ZBTB20: variants seen among roughly 807,000 people sequenced by gnomAD.
ZBTB20 encodes the protein zinc finger and BTB domain containing 20.
Under a neutral mutation model 56.9 loss-of-function variants are expected in ZBTB20, and 9 were observed. The observed-to-expected ratio is 0.16, with a 90% CI of 0.10 to 0.28. ZBTB20 has a LOEUF of 0.28. ZBTB20 is among the 10% of genes least tolerant of loss of function. ZBTB20 has a pLI of 1.00. For missense variants in ZBTB20, 655 were observed against 1,003.0 expected (o/e 0.65, Z 4.69); for synonymous variants, 417 against 420.7 (o/e 0.99, Z 0.11).
intron 4 of ZBTB20, among the ~76,000 whole-genome samples, chr3:114,842,107 T>C (rs1387725408): frequency 6.6e-6 from 1 of 152,192 alleles, no homozygotes; most frequent in Admixed American, 6.5e-5. Flanking sequence ...TTCTTGAAGA[T>C]AAAAATAATC....
rs547212644 is a variant in ZBTB20, at chr3:114,706,357, C to T, written c.-342-12782G>A. Among the ~76,000 whole-genome samples, 13 of 152,230 alleles carry T rather than the reference C, an allele frequency of 8.5e-5. No individual in the cohort carries two copies. In the South Asian group the frequency reaches 2.5e-3, roughly 29 times the overall value. Reference sequence around the variant, plus strand: ...GTGACTTTCTCTTGTATTAATGATACATAAATCTGCTGGGAGTAACAGAAG... The same window carrying T: ...GTGACTTTCTCTTGTATTAATGATATATAAATCTGCTGGGAGTAACAGAAG... On this transcript the variant is annotated intron_variant, in intron 5 of 11. Coordinates refer to ENST00000675478, the MANE Select transcript of ZBTB20 (RefSeq NM_001348800.3).
At chr3:114,351,906 CAG>C (rs2080705607) in intron 10 of ZBTB20, 28 bp from the exon 11 acceptor site, 11 of 1,568,464 alleles carry the variant, frequency 7.0e-6, no homozygotes, top group Non-Finnish European at 9.6e-6. Flanking sequence ...AGACACAAAA[CAG>C]GGCATGGGTC....
chr3:114,409,011 A>G (rs1470373615), intron 7 of ZBTB20, among the ~76,000 whole-genome samples: 1 of 151,860 alleles, frequency 6.6e-6, no homozygotes, highest in African/African-American at 2.4e-5. Context: ...AAAGCAACAC[A>G]CTGTGATGTC....
chr3:114,524,629 T>C (rs2047007876), intron 6 of ZBTB20, among the ~76,000 whole-genome samples: 1 of 152,178 alleles, frequency 6.6e-6, no homozygotes, highest in South Asian at 2.1e-4. Context: ...CATTACAAAC[T>C]TTAATTTCCT....
chr3:114,884,080 T>C lies in ZBTB20; in HGVS notation c.-417+16224A>G, dbSNP rs933348814. 1.4e-4 allele frequency among the ~76,000 whole-genome samples: 21 copies of C among 149,694 alleles called. 1 individual carries two copies. The highest frequency in any genetic ancestry group is 7.3e-4 in the Admixed American group (11 of 15,032). Reference sequence around the variant, plus strand: ...AGCTGGGACTACAGGCGCCCGCCACTACGCCCGGCTAATTTTTTGTATTTT... The same window carrying C: ...AGCTGGGACTACAGGCGCCCGCCACCACGCCCGGCTAATTTTTTGTATTTT... On this transcript the variant is annotated intron_variant, in intron 4 of 11. Coordinates refer to ENST00000675478, the MANE Select transcript of ZBTB20 (RefSeq NM_001348800.3).
chr3:114,649,496 G>A (rs2060014511), intron 6 of ZBTB20, among the ~76,000 whole-genome samples: 1 of 151,882 alleles, frequency 6.6e-6, no homozygotes, highest in African/African-American at 2.4e-5. Context: ...AGTGCATAAT[G>A]GACTCAAGTC....
intron 4 of ZBTB20, among the ~76,000 whole-genome samples, chr3:114,806,497 A>T (rs575185772): frequency 6.6e-6 from 1 of 152,036 alleles, no homozygotes; most frequent in South Asian, 2.1e-4. Context: ...AATTCTTATC[A>T]GATTATGATT....
At chr3:114,935,438 A>G (rs1407329218) in intron 3 of ZBTB20, among the ~76,000 whole-genome samples, 3 of 152,184 alleles carry the variant, frequency 2.0e-5, no homozygotes, top group Non-Finnish European at 1.5e-5. Context: ...AATCCAGAAT[A>G]TATGTTACAT....
At chr3:114,904,288 T>C (rs2075239883) in intron 3 of ZBTB20, 1 of 152,040 alleles carries the variant, frequency 6.6e-6, no homozygotes, top group Non-Finnish European at 1.5e-5. Flanking sequence ...TTAATAAATC[T>C]ACTTGCTAAT....
chr3:114,942,161 C>T (rs1171089701), intron 3 of ZBTB20, among the ~76,000 whole-genome samples: 1 of 145,638 alleles, frequency 6.9e-6, no homozygotes, highest in East Asian at 1.9e-4. Context: ...TTCGTTATAG[C>T]CTCCTAGTCT....
chr3:114,823,579 T>A (rs1034482458), intron 4 of ZBTB20, among the ~76,000 whole-genome samples: 3 of 152,066 alleles, frequency 2.0e-5, no homozygotes, highest in Non-Finnish European at 4.4e-5. Context: ...TTTTAAAACT[T>A]ATGCTAAAGC....
intron 1 of ZBTB20, among the ~76,000 whole-genome samples, chr3:115,073,038 T>C (rs2082466583): frequency 6.6e-6 from 1 of 152,218 alleles, no homozygotes; most frequent in Admixed American, 6.5e-5. Flanking sequence ...TAAATGTCAG[T>C]CATTATCAGT....
chr3:114,479,572 G>T (rs537253718), intron 7 of ZBTB20, among the ~76,000 whole-genome samples: 3 of 152,104 alleles, frequency 2.0e-5, no homozygotes, highest in Non-Finnish European at 4.4e-5. Flanking sequence ...TATTTGTATT[G>T]TCCAACCTAT....
At chr3:114,667,446 A>G (rs1319676578) in intron 6 of ZBTB20, among the ~76,000 whole-genome samples, 2 of 152,072 alleles carry the variant, frequency 1.3e-5, no homozygotes, top group East Asian at 1.9e-4. Flanking sequence ...AAATGGGTCC[A>G]TACTATACTT....
At chr3:115,088,469 C>T (rs1166869556) in intron 1 of ZBTB20, among the ~76,000 whole-genome samples, 1 of 151,500 alleles carries the variant, frequency 6.6e-6, no homozygotes, top group Admixed American at 6.6e-5. Context: ...TAAGAATATC[C>T]CAAAAGTGTA....
chr3:115,125,864 A>ATAAATATTTAC (rs2084317287), intron 1 of ZBTB20, among the ~76,000 whole-genome samples: 1 of 152,210 alleles, frequency 6.6e-6, no homozygotes, highest in Admixed American at 6.5e-5. Context: ...ACATGTAGAA[A>ATAAATATTTAC]ATAAAGCTAA....
intron 3 of ZBTB20, among the ~76,000 whole-genome samples, chr3:114,916,521 A>G (rs1244897736): frequency 1.3e-5 from 2 of 152,138 alleles, no homozygotes; most frequent in Admixed American, 1.3e-4. Context: ...CTTATTGCTC[A>G]TTAACATCCC....
chr3:114,998,444 G>A (rs2079114923), intron 2 of ZBTB20, among the ~76,000 whole-genome samples: 1 of 151,688 alleles, frequency 6.6e-6, no homozygotes, highest in South Asian at 2.1e-4. Context: ...AACTACTGAA[G>A]AGTATTAAGT....
At chr3:115,005,288 T>C (rs1334242472) in intron 2 of ZBTB20, among the ~76,000 whole-genome samples, 3 of 151,852 alleles carry the variant, frequency 2.0e-5, no homozygotes, top group African/African-American at 7.2e-5. Flanking sequence ...TATCTGTATT[T>C]GTATTTATTG....
Sources: gnomAD v4.1 joint callset for allele counts (sites outside exome capture counted in the v4.1 genomes callset) on GRCh38, gnomAD v4.1.1 for gene constraint, MANE v1.5 for transcripts, NCBI Gene and HGNC (gene_info 2026-07-23, HGNC 2026-07-21) for gene names.